The following PVT1 variants were observed in gnomAD, a reference collection of about 807,000 sequenced individuals.
The protein encoded by PVT1 is Pvt1 oncogene.
chr8:127,986,561 C>T (rs1816972753), intron 3 of PVT1, among the ~76,000 whole-genome samples: 2 of 152,212 alleles, frequency 1.3e-5, no homozygotes, highest in African/African-American at 2.4e-5. Context: ...CTAGCACCTC[C>T]CATCAGACCT....
chr8:128,010,827 A>G (rs955770285), intron 4 of PVT1, among the ~76,000 whole-genome samples: 1 of 152,240 alleles, frequency 6.6e-6, no homozygotes, highest in Non-Finnish European at 1.5e-5. Context: ...ATCTCACTAC[A>G]ACAGCAGAAA....
At chr8:128,027,874 G>T (rs1456362284) in intron 4 of PVT1, among the ~76,000 whole-genome samples, 5 of 152,188 alleles carry the variant, frequency 3.3e-5, no homozygotes, top group Admixed American at 2.0e-4. Flanking sequence ...CACTTTGCTG[G>T]CCATCTCCTG....
intron 4 of PVT1, among the ~76,000 whole-genome samples, chr8:128,015,809 C>CTGGTCAT (rs1393935395): frequency 7.0e-6 from 1 of 142,900 alleles, no homozygotes; most frequent in African/African-American, 2.6e-5. Context: ...AAGGGTTTTC[C>CTGGTCAT]TGGTCATTAG....
chr8:127,796,373 T>C (rs1814396510), intron 2 of PVT1, among the ~76,000 whole-genome samples: 1 of 152,200 alleles, frequency 6.6e-6, no homozygotes, highest in Non-Finnish European at 1.5e-5. Flanking sequence ...AGTTCTCCCC[T>C]CTGTTCTGAC....
chr8:127,895,402 C>T (rs759482878), intron 3 of PVT1, among the ~76,000 whole-genome samples: 27 of 152,182 alleles, frequency 1.8e-4, no homozygotes, highest in South Asian at 4.1e-4. Flanking sequence ...ATCTGGGAGG[C>T]GGAGGTTGCA....
At chr8:127,901,261 G>C (rs1056850081) in intron 3 of PVT1, among the ~76,000 whole-genome samples, 1 of 152,188 alleles carries the variant, frequency 6.6e-6, no homozygotes, top group Non-Finnish European at 1.5e-5. Context: ...TGCTGGAGGG[G>C]CTGGCTGGAG....
chr8:127,913,671 C>A (rs1240745575), intron 3 of PVT1, among the ~76,000 whole-genome samples: 1 of 152,130 alleles, frequency 6.6e-6, no homozygotes, highest in Non-Finnish European at 1.5e-5. Context: ...TGCACATTTC[C>A]TTCTCTTCTG....
intron 4 of PVT1, among the ~76,000 whole-genome samples, chr8:128,004,363 G>A (rs1446702011): frequency 6.6e-6 from 1 of 152,156 alleles, no homozygotes; most frequent in Non-Finnish European, 1.5e-5. Context: ...GGGGAGAAGG[G>A]AGGGCTTTAT....
intron 2 of PVT1, among the ~76,000 whole-genome samples, chr8:127,814,910 A>G (rs1204718633): frequency 6.6e-6 from 1 of 152,178 alleles, no homozygotes; most frequent in East Asian, 1.9e-4. Flanking sequence ...GTATAGGTGG[A>G]ATCATAGTAT....
chr8:127,856,624 A>G (rs1016632845), intron 2 of PVT1, among the ~76,000 whole-genome samples: 8 of 152,146 alleles, frequency 5.3e-5, no homozygotes, highest in African/African-American at 4.8e-5. Flanking sequence ...TACAGGCGTG[A>G]GCTACCACGC....
At chr8:127,835,758 C>T (rs971605504) in intron 2 of PVT1, among the ~76,000 whole-genome samples, 1 of 152,138 alleles carries the variant, frequency 6.6e-6, no homozygotes, top group Non-Finnish European at 1.5e-5. Flanking sequence ...TTCTCCATCA[C>T]TAGAGGTAGT....
intron 4 of PVT1, among the ~76,000 whole-genome samples, chr8:127,994,338 A>G (rs1319693880): frequency 1.3e-5 from 2 of 152,054 alleles, no homozygotes; most frequent in African/African-American, 4.8e-5. Flanking sequence ...GTCTCACTGA[A>G]CCCACCTCCC....
chr8:127,981,759 A>G (rs1586465897), intron 3 of PVT1, among the ~76,000 whole-genome samples: 1 of 151,922 alleles, frequency 6.6e-6, no homozygotes, highest in African/African-American at 2.4e-5. Flanking sequence ...TTCTTCCCAC[A>G]CCCCCACTGC....
intron 3 of PVT1, chr8:127,984,269 T>C (rs1816917985): frequency 6.6e-6 from 1 of 152,234 alleles, no homozygotes; most frequent in Non-Finnish European, 1.5e-5. Flanking sequence ...AAGCTCATAC[T>C]GCACCACTTG....
At chr8:127,914,376 G>T (rs571554183) in intron 3 of PVT1, among the ~76,000 whole-genome samples, 2 of 146,316 alleles carry the variant, frequency 1.4e-5, no homozygotes, top group South Asian at 4.7e-4. Flanking sequence ...AATGTAAGAT[G>T]ATACAGTCTC....
At chr8:127,990,440 AAAG>A (rs1817019753) in intron 4 of PVT1, among the ~76,000 whole-genome samples, 1 of 152,232 alleles carries the variant, frequency 6.6e-6, no homozygotes, top group Admixed American at 6.5e-5. Context: ...GAAGTAACCA[AAAG>A]AAGAAAGTTT....
intron 2 of PVT1, among the ~76,000 whole-genome samples, chr8:127,887,928 C>CTTTTT (rs1328761205): frequency 1.1e-4 from 6 of 56,916 alleles, no homozygotes; most frequent in Non-Finnish European, 1.7e-4. Context: ...CTCACTCTAT[C>CTTTTT]TTGTTTTTTT....
At chr8:128,096,417 G>A (rs934154080) in intron 5 of PVT1, 5 of 152,192 alleles carry the variant, frequency 3.3e-5, no homozygotes, top group African/African-American at 9.6e-5. Flanking sequence ...CTCATTTGAA[G>A]GGGGCCCTGT....
chr8:127,834,308 C>T (rs1283577172), intron 2 of PVT1, among the ~76,000 whole-genome samples: 1 of 152,078 alleles, frequency 6.6e-6, no homozygotes, highest in Non-Finnish European at 1.5e-5. Flanking sequence ...CTGACAAAAA[C>T]AAGCAATGGG....
Sources: gnomAD v4.1 joint callset for allele counts (sites outside exome capture counted in the v4.1 genomes callset) on GRCh38, gnomAD v4.1.1 for gene constraint, MANE v1.5 for transcripts, NCBI Gene and HGNC (gene_info 2026-07-23, HGNC 2026-07-21) for gene names.